CNTNAP4: variants seen among roughly 807,000 people sequenced by gnomAD.
The protein encoded by CNTNAP4 is contactin associated protein family member 4.
A neutral mutation model predicts 148.4 loss-of-function variants in CNTNAP4; 98 were observed. The observed-to-expected ratio is 0.66, with a 90% CI of 0.56 to 0.78. The LOEUF (loss-of-function observed/expected upper bound fraction) is 0.78, where lower values mean the gene tolerates loss of function less well. Among genes scored for constraint, CNTNAP4 ranks in the 30% least tolerant of loss-of-function variants. The probability of loss-of-function intolerance (pLI) is 0.00; values close to 1 mark genes in which losing one functional copy is unlikely to be tolerated. For missense variants in CNTNAP4, 1,935 were observed against 1,565.6 expected, an observed-to-expected ratio of 1.24 and a Z score of -3.98; for synonymous variants, 730 against 565.1, an observed-to-expected ratio of 1.29 and a Z score of -4.14.
At chr16:76,427,713 A>T (rs1201836790) in intron 4 of CNTNAP4, 114 bp downstream of exon 4, 1 of 1,010,666 alleles carries the variant, frequency 9.9e-7, no homozygotes, top group East Asian at 2.8e-5. Flanking sequence ...AAAAAATAGG[A>T]ATAATTTTTG....
At chr16:76,461,861 G>A in intron 8 of CNTNAP4, 95 bp from the exon 9 acceptor site, 1 of 997,018 alleles carries the variant, frequency 1.0e-6, no homozygotes, top group African/African-American at 1.6e-5. Flanking sequence ...GTTAAGTACT[G>A]TAGCCAATTG....
At chr16:76,301,896 C>T (rs1051157827) in intron 1 of CNTNAP4, among the ~76,000 whole-genome samples, 2 of 152,040 alleles carry the variant, frequency 1.3e-5, no homozygotes, top group South Asian at 2.1e-4. Context: ...CATGGCATTT[C>T]GTAGGACATA....
At chr16:76,443,221 TC>T in intron 4 of CNTNAP4, among the ~76,000 whole-genome samples, 1 of 152,272 alleles carries the variant, frequency 6.6e-6, no homozygotes, top group South Asian at 2.1e-4. Flanking sequence ...TTCTTATTCT[TC>T]CTTTCAGTTA....
chr16:76,428,898 A>T (rs1355177321), intron 4 of CNTNAP4, among the ~76,000 whole-genome samples: 1 of 152,098 alleles, frequency 6.6e-6, no homozygotes, highest in East Asian at 1.9e-4. Flanking sequence ...CTGGGTAACT[A>T]CTCCATTTAC....
At chr16:76,389,384 A>T (rs4888494) in intron 3 of CNTNAP4, among the ~76,000 whole-genome samples, 1 of 152,042 alleles carries the variant, frequency 6.6e-6, no homozygotes, top group Non-Finnish European at 1.5e-5. Context: ...ATTTCTGGCA[A>T]CGTTGCTTGT....
intron 2 of CNTNAP4, among the ~76,000 whole-genome samples, chr16:76,328,032 A>G (rs1342647671): frequency 2.0e-5 from 3 of 152,184 alleles, no homozygotes; most frequent in African/African-American, 7.2e-5. Context: ...AGTGGAACGA[A>G]ATGCTTCCTG....
chr16:76,501,244 C>T (rs780199104), intron 15 of CNTNAP4, among the ~76,000 whole-genome samples: 3 of 152,144 alleles, frequency 2.0e-5, no homozygotes, highest in Non-Finnish European at 4.4e-5. Context: ...TTGTAAACTT[C>T]GGATGCATCC....
Position 76,452,675 on chromosome 16 carries a change from G to A in CNTNAP4, c.1239G>A (p.Gln413=). 2 of 1,613,806 alleles carry A rather than the reference G, an allele frequency of 1.2e-6. No individual in the cohort carries two copies. Among genetic ancestry groups the A allele is most frequent in the Non-Finnish European group, 1.7e-6 (2 of 1,179,820 alleles). Residue 413 remains glutamine (Q), a synonymous_variant, in exon 8 of 24, where the codon CAG becomes CAA. Transcript: ENST00000611870. Reference sequence around the variant, plus strand: ...GGCTTCTGCTGTTCAGTGAACTTCAGCTGATTTCAGGGGGTATCCTCCTCT... The same window carrying A: ...GGCTTCTGCTGTTCAGTGAACTTCAACTGATTTCAGGGGGTATCCTCCTCT... ...KAGLLLFSEL[Q]LISGGILLFL...
At chr16:76,287,107 G>C (rs1291932277) in intron 1 of CNTNAP4, among the ~76,000 whole-genome samples, 1 of 152,142 alleles carries the variant, frequency 6.6e-6, no homozygotes, top group East Asian at 1.9e-4. Flanking sequence ...AAAGATGTAA[G>C]CTTTTCTAAA....
chr16:76,297,167 A>G (rs1038601968), intron 1 of CNTNAP4, among the ~76,000 whole-genome samples: 3 of 152,228 alleles, frequency 2.0e-5, no homozygotes, highest in South Asian at 2.1e-4. Context: ...ACTGCTCTTT[A>G]GAAAGCTATT....
chr16:76,297,154 A>G (rs1046979281), intron 1 of CNTNAP4, among the ~76,000 whole-genome samples: 1 of 152,204 alleles, frequency 6.6e-6, no homozygotes, highest in Non-Finnish European at 1.5e-5. Context: ...AACAAAACAA[A>G]CAACTGCTCT....
chr16:76,461,714 A>T (rs2080969350), intron 8 of CNTNAP4, among the ~76,000 whole-genome samples: 1 of 152,200 alleles, frequency 6.6e-6, no homozygotes, highest in Non-Finnish European at 1.5e-5. Flanking sequence ...ATCTATGACA[A>T]ATTATTGAAA....
intron 10 of CNTNAP4, among the ~76,000 whole-genome samples, chr16:76,470,358 C>T (rs1409109246): frequency 6.6e-6 from 1 of 151,154 alleles, no homozygotes; most frequent in Non-Finnish European, 1.5e-5. Context: ...CATTAACAGC[C>T]AGCCAGACAC....
chr16:76,500,621 TG>T (rs1223037641), intron 15 of CNTNAP4, among the ~76,000 whole-genome samples: 2 of 105,302 alleles, frequency 1.9e-5, no homozygotes, highest in East Asian at 6.4e-4. Flanking sequence ...CCAGTTTGTG[TG>T]TGTGTGTGTG....
intron 4 of CNTNAP4, among the ~76,000 whole-genome samples, chr16:76,444,706 C>T (rs553288055): frequency 2.6e-5 from 4 of 152,154 alleles, no homozygotes; most frequent in East Asian, 3.9e-4. Flanking sequence ...TAAAAAGTGA[C>T]CTACAATGAG....
chr16:76,326,937 C>T (rs1963045837), intron 2 of CNTNAP4, among the ~76,000 whole-genome samples: 1 of 151,426 alleles, frequency 6.6e-6, no homozygotes, highest in Non-Finnish European at 1.5e-5. Flanking sequence ...TACCCTAAAA[C>T]TTAAAGTAAG....
chr16:76,374,584 T>C (rs753031780), intron 3 of CNTNAP4, among the ~76,000 whole-genome samples: 22 of 152,204 alleles, frequency 1.4e-4, no homozygotes, highest in Non-Finnish European at 3.1e-4. Flanking sequence ...TCCAGCCTTC[T>C]TGTTCTCATA....
intron 2 of CNTNAP4, among the ~76,000 whole-genome samples, chr16:76,342,472 T>C (rs1025416827): frequency 5.2e-5 from 7 of 135,042 alleles, no homozygotes; most frequent in Middle Eastern, 3.4e-3. Flanking sequence ...TTTCTTTTTT[T>C]TTTTTTTTTT....
At chr16:76,447,966 A>C in intron 4 of CNTNAP4, 46 bp from the exon 5 acceptor site, 2 of 1,397,218 alleles carry the variant, frequency 1.4e-6, no homozygotes. Flanking sequence ...GATTTAATGG[A>C]AAAGATATTT....
Sources: allele counts gnomAD v4.1 joint callset (sites outside exome capture counted in the v4.1 genomes callset), GRCh38; gene constraint gnomAD v4.1.1; transcripts MANE v1.5; gene names NCBI Gene and HGNC (gene_info 2026-07-23, HGNC 2026-07-21).